The following TTC3 variants were observed in gnomAD, a reference collection of about 807,000 sequenced individuals.
TTC3 encodes the protein tetratricopeptide repeat domain 3, also known as E3 ubiquitin-protein ligase TTC3.
TTC3 carries 180 observed loss-of-function variants against 249.6 expected under a neutral mutation model. That is an observed-to-expected ratio of 0.72 (90% CI 0.64 to 0.82). The LOEUF is 0.82. Among genes scored for constraint, TTC3 ranks in the 40% least tolerant of loss-of-function variants. The pLI is 0.00. For missense variants in TTC3, 2,061 were observed against 2,398.4 expected (o/e 0.86, Z 2.94); for synonymous variants, 717 against 805.0 (o/e 0.89, Z 1.85).
chr21:37,073,296 T>C (rs1328526878), exon 1 of TTC3: 44 of 253,908 alleles, frequency 1.7e-4, no homozygotes, highest in African/African-American at 4.2e-4. Context: ...GGGCCGGAGG[T>C]GGCGGCGGCG....
At chr21:37,109,184 C>G (rs185943015) in intron 11 of TTC3, among the ~76,000 whole-genome samples, 1 of 152,290 alleles carries the variant, frequency 6.6e-6, no homozygotes, top group African/African-American at 2.4e-5. Context: ...GTACTGGGTT[C>G]ATCTCACTGG....
intron 10 of TTC3, among the ~76,000 whole-genome samples, chr21:37,100,158 A>G (rs973302665): frequency 2.0e-5 from 3 of 152,196 alleles, no homozygotes; most frequent in African/African-American, 7.2e-5. Context: ...GGGGTGGTAC[A>G]CGGTGGGTGT....
At chr21:37,073,847 T>G (rs1049905456) in intron 1 of TTC3, among the ~76,000 whole-genome samples, 3 of 152,198 alleles carry the variant, frequency 2.0e-5, no homozygotes, top group Non-Finnish European at 4.4e-5. Flanking sequence ...GTCTGTGGGC[T>G]GCGCGTCCCC....
chr21:37,143,569 C>A (rs906042900), intron 20 of TTC3, among the ~76,000 whole-genome samples: 19 of 151,646 alleles, frequency 1.3e-4, no homozygotes, highest in African/African-American at 3.9e-4. Context: ...GTTAGAATGG[C>A]GATCATTAAA....
intron 10 of TTC3, among the ~76,000 whole-genome samples, chr21:37,100,088 A>G (rs1178817920): frequency 1.3e-5 from 2 of 152,222 alleles, no homozygotes; most frequent in African/African-American, 2.4e-5. Flanking sequence ...ATGCATGGGC[A>G]TGTTAAACAC....
rs2076610121 is a variant in TTC3 at position 37,121,850 on chromosome 21, C to T, written c.934C>T (p.Leu312=). The change falls in exon 12 of 46, where the codon CTG becomes TTG. Residue 312 remains leucine, a synonymous_variant. Coordinates refer to ENST00000355666, the Ensembl canonical transcript of TTC3. The stretch of plus-strand genomic sequence containing the variant: ...TCGTTATTGTGATGCTCTTTCTATG[C>T]TGGGGGAATATGACTGGGCCCTGCA... 2.5e-6 allele frequency: 4 copies of T among 1,608,352 alleles called. No individual in the cohort carries two copies. In the Admixed American group the frequency reaches 6.7e-5, roughly 27 times the overall value.
At chr21:37,126,012 A>G in intron 14 of TTC3, 68 bp from the exon 15 acceptor site, 1 of 1,433,828 alleles carries the variant, frequency 7.0e-7, no homozygotes, top group Non-Finnish European at 9.5e-7. Context: ...ATTCTTTTAT[A>G]TAGCTATTGA....
chr21:37,092,438 A>G (rs928930599), intron 7 of TTC3, among the ~76,000 whole-genome samples: 1 of 152,240 alleles, frequency 6.6e-6, no homozygotes, highest in Non-Finnish European at 1.5e-5. Flanking sequence ...GAGAAGCAGT[A>G]TCTTGTACTA....
At chr21:37,096,138 A>C (rs1237401407) in intron 9 of TTC3, among the ~76,000 whole-genome samples, 4 of 152,262 alleles carry the variant, frequency 2.6e-5, no homozygotes, top group African/African-American at 9.6e-5. Context: ...TTCACCACAC[A>C]GTCAGATAAA....
At chr21:37,154,987 G>A (rs117222690) in intron 27 of TTC3, among the ~76,000 whole-genome samples, 2,850 of 152,178 alleles carry the variant, frequency 0.019, 39 homozygotes, top group Non-Finnish European at 0.03. Context: ...CAGCCACCGC[G>A]CCCGGTCGAT....
chr21:37,140,443 G>A (rs2078339126), intron 19 of TTC3, 118 bp from the exon 20 acceptor site: 1 of 642,736 alleles, frequency 1.6e-6, no homozygotes, highest in South Asian at 2.5e-5. Flanking sequence ...TTTGCCACAG[G>A]AATTTGGGGA....
At position 37,185,840 on chromosome 21, in the gene TTC3, G is replaced by A. The variant is rs749590449; in HGVS notation, c.4826+66G>A. On this transcript the variant is annotated intron_variant, in intron 37 of 45. Coordinates refer to ENST00000355666, the Ensembl canonical transcript of TTC3. ...TTTTAATGCCAGGAGTACAAGCACAGTAGACTTTGAAATATATTGTTGCTT... is the reference window on the plus strand; with the variant it reads ...TTTTAATGCCAGGAGTACAAGCACAATAGACTTTGAAATATATTGTTGCTT... The A allele has an allele frequency of 2.3e-5, 21 of 894,216 alleles. No homozygotes were observed. In the South Asian group the frequency reaches 3.0e-4, roughly 13 times the overall value. The allele number at this position is 894,216 out of a possible 1,614,324, so 55.4% of individuals were successfully genotyped here.
intron 41 of TTC3, among the ~76,000 whole-genome samples, chr21:37,192,545 T>G (rs990969354): frequency 1.3e-5 from 2 of 150,850 alleles, no homozygotes; most frequent in African/African-American, 4.9e-5. Flanking sequence ...TTCCTGACTT[T>G]GAACAAATAA....
Position 37,182,928 on chromosome 21 carries a change from A to C in TTC3, c.4757+15A>C. Reference sequence around the variant, plus strand: ...GCCAGTGAAATGTAAGTAATGATTGAAAGGCAGTAATTTTTATTTAAAAAA... The same window carrying C: ...GCCAGTGAAATGTAAGTAATGATTGCAAGGCAGTAATTTTTATTTAAAAAA... On this transcript the variant is annotated intron_variant, in intron 36 of 45. Transcript: ENST00000355666. The C allele has an allele frequency of 6.6e-7, 1 of 1,526,576 alleles. No individual in the cohort carries two copies. Among genetic ancestry groups the C allele is most frequent in the Non-Finnish European group, 8.8e-7 (1 of 1,141,012 alleles). 94.6% of individuals were successfully genotyped at this position (1,526,576 alleles called of 1,614,324 possible).
Position 37,184,834 on chromosome 21 carries a change from A to G in TTC3, c.4758-872A>G, listed in dbSNP as rs538293419. Among the ~76,000 whole-genome samples, 15 of 152,194 alleles carry G rather than the reference A, an allele frequency of 9.9e-5. No individual in the cohort carries two copies. In the South Asian group the frequency reaches 3.1e-3, roughly 31 times the overall value. ...TTTTCTATTTAGATTTTTAAGTAAA[A>G]TCTTTAAACTTTTTGGATCTCTTTC... On this transcript the variant is annotated intron_variant, in intron 36 of 45. Transcript: ENST00000355666.
At chr21:37,140,213 TTTACACCATA>T (rs2078311939) in intron 19 of TTC3, among the ~76,000 whole-genome samples, 1 of 152,156 alleles carries the variant, frequency 6.6e-6, no homozygotes, top group Non-Finnish European at 1.5e-5. Context: ...TTATGGTGTG[TTTACACCATA>T]ATTAGCCTTT....
intron 1 of TTC3, among the ~76,000 whole-genome samples, chr21:37,074,760 T>G (rs2070593795): frequency 6.6e-6 from 1 of 152,224 alleles, no homozygotes; most frequent in African/African-American, 2.4e-5. Flanking sequence ...CAGCTACTGC[T>G]CCGATTGCTC....
At chr21:37,082,005 CA>C (rs2071750965) in intron 1 of TTC3, 1 of 151,968 alleles carries the variant, frequency 6.6e-6, no homozygotes. Flanking sequence ...GCTGGGACTA[CA>C]GGCGCCCGCC....
At chr21:37,095,239 A>G (rs556950459) in intron 8 of TTC3, 111 bp from the exon 9 acceptor site, 18 of 681,328 alleles carry the variant, frequency 2.6e-5, no homozygotes, top group African/African-American at 1.6e-4. Flanking sequence ...ATAATCCCCT[A>G]TGTTATTTCT....
Sources: gnomAD v4.1 joint callset for allele counts (sites outside exome capture counted in the v4.1 genomes callset) on GRCh38, gnomAD v4.1.1 for gene constraint, MANE v1.5 for transcripts, NCBI Gene and HGNC (gene_info 2026-07-23, HGNC 2026-07-21) for gene names.